Variants in ERCC8 observed in about 807,000 individuals in gnomAD.
The protein encoded by ERCC8 is ERCC excision repair 8, CSA ubiquitin ligase complex subunit.
ERCC8 carries 52 observed loss-of-function variants against 54.9 expected under a neutral mutation model. The ratio of observed to expected loss-of-function variants is 0.95; its 90% CI spans 0.76 to 1.19. The LOEUF (loss-of-function observed/expected upper bound fraction) is 1.19, where lower values mean the gene tolerates loss of function less well. ERCC8 is among the 50% of genes most tolerant of loss of function. The pLI is 0.00. For synonymous variants in ERCC8, 146 were observed against 157.2 expected, an observed-to-expected ratio of 0.93 and a Z score of 0.53; for missense variants, 514 against 466.1, an observed-to-expected ratio of 1.10 and a Z score of -0.95.
chr5:60,883,471 T>C (rs949550793), intron 11 of ERCC8, among the ~76,000 whole-genome samples: 9 of 152,170 alleles, frequency 5.9e-5, no homozygotes, highest in African/African-American at 2.2e-4. Flanking sequence ...CACCAGGTTG[T>C]CAATTCTACT....
chr5:60,881,641 G>A (rs1410593715), intron 11 of ERCC8, among the ~76,000 whole-genome samples: 1 of 152,208 alleles, frequency 6.6e-6, no homozygotes, highest in Admixed American at 6.5e-5. Context: ...GGCTCTGTGG[G>A]CGTCGGACCC....
At chr5:60,883,132 T>A (rs142090036) in intron 11 of ERCC8, among the ~76,000 whole-genome samples, 18 of 152,278 alleles carry the variant, frequency 1.2e-4, no homozygotes, top group African/African-American at 4.3e-4. Context: ...TTATACTTCA[T>A]CATAAATTAT....
rs1212963873 is a variant in ERCC8 at position 60,872,660 on chromosome 5, A to G, written c.*1955T>C. 1.3e-5 allele frequency among the ~76,000 whole-genome samples: 2 copies of G among 152,214 alleles called. No individual in the cohort carries two copies. Among genetic ancestry groups the G allele is most frequent in the African/African-American group, 4.8e-5 (2 of 41,448 alleles). Reference sequence around the variant, plus strand: ...ACAAGTGTTGGCAAGGATGTGAAGAAAAAGGATTTCTTGCATTATTGTGAA... The same window carrying G: ...ACAAGTGTTGGCAAGGATGTGAAGAGAAAGGATTTCTTGCATTATTGTGAA... On this transcript the variant is annotated 3_prime_UTR_variant, in exon 12 of 12. Coordinates refer to ENST00000676185, the MANE Select transcript of ERCC8 (RefSeq NM_000082.4).
chr5:60,904,682 A>G, intron 5 of ERCC8, 110 bp downstream of exon 5: 1 of 227,622 alleles, frequency 4.4e-6, no homozygotes, highest in Non-Finnish European at 8.6e-6. Context: ...ATATATATAT[A>G]TAAAATTGTG....
intron 4 of ERCC8, among the ~76,000 whole-genome samples, chr5:60,911,031 C>T (rs1288182794): frequency 1.3e-5 from 2 of 151,868 alleles, no homozygotes; most frequent in Non-Finnish European, 2.9e-5. Flanking sequence ...TCTTCTATTC[C>T]TAGTATGCAG....
chr5:60,876,392 C>T (rs544148845), intron 11 of ERCC8, among the ~76,000 whole-genome samples: 1 of 152,274 alleles, frequency 6.6e-6, no homozygotes, highest in Admixed American at 6.5e-5. Flanking sequence ...TGGGTATATA[C>T]CCAGTAATGG....
chr5:60,932,355 T>C (rs1295027589), intron 1 of ERCC8, among the ~76,000 whole-genome samples: 1 of 152,192 alleles, frequency 6.6e-6, no homozygotes. Flanking sequence ...TGGATAAGAA[T>C]GGCTCACTGT....
intron 9 of ERCC8, among the ~76,000 whole-genome samples, chr5:60,894,551 T>C (rs1366499189): frequency 6.6e-6 from 1 of 152,094 alleles, no homozygotes; most frequent in Non-Finnish European, 1.5e-5. Flanking sequence ...GGGACAAAAA[T>C]TAAAATTCTT....
At chr5:60,905,331 C>G (rs1415444872) in intron 4 of ERCC8, among the ~76,000 whole-genome samples, 1 of 152,198 alleles carries the variant, frequency 6.6e-6, no homozygotes, top group Non-Finnish European at 1.5e-5. Context: ...CAGCTTTTCC[C>G]CCTCCAAATA....
chr5:60,918,529 A>G, intron 3 of ERCC8, 141 bp from the exon 4 acceptor site: 1 of 699,882 alleles, frequency 1.4e-6, no homozygotes. Context: ...CAAGCTGTGT[A>G]GAAGGCGAGA....
chr5:60,919,880 A>G lies in ERCC8; in HGVS notation c.276-1492T>C, dbSNP rs185983653. ...TTTTTAAAAAACAGTAATTATGGGA[A>G]GAAAGGTGTATACGCATGCTGGACA... On this transcript the variant is annotated intron_variant, in intron 3 of 11. Coordinates refer to ENST00000676185, the MANE Select transcript of ERCC8 (RefSeq NM_000082.4). 1.7e-3 allele frequency among the ~76,000 whole-genome samples: 254 copies of G among 152,110 alleles called. 4 individuals carry two copies. Among genetic ancestry groups the G allele is most frequent in the Non-Finnish European group, 4.6e-4 (31 of 67,918 alleles).
chr5:60,900,008 C>T (rs1359779974), intron 7 of ERCC8, among the ~76,000 whole-genome samples: 1 of 151,876 alleles, frequency 6.6e-6, no homozygotes, highest in Non-Finnish European at 1.5e-5. Flanking sequence ...ACATGAGCAT[C>T]TTTTCTCCCA....
At chr5:60,942,216 A>T (rs1489777431) in intron 1 of ERCC8, among the ~76,000 whole-genome samples, 1 of 152,160 alleles carries the variant, frequency 6.6e-6, no homozygotes, top group Non-Finnish European at 1.5e-5. Flanking sequence ...ACTCTCACCT[A>T]TTAGTGGTGG....
intron 1 of ERCC8, among the ~76,000 whole-genome samples, chr5:60,929,624 G>A (rs1013292313): frequency 6.6e-6 from 1 of 152,040 alleles, no homozygotes; most frequent in African/African-American, 2.4e-5. Context: ...ACATTTATGT[G>A]TATTTAAATA....
At chr5:60,924,243 T>C (rs1749686450) in intron 2 of ERCC8, 1 of 152,584 alleles carries the variant, frequency 6.6e-6, no homozygotes, top group Admixed American at 6.5e-5. Flanking sequence ...GATCCATCAA[T>C]TTATACATTT....
intron 9 of ERCC8, chr5:60,892,818 G>A (rs1748604516): frequency 1.5e-6 from 1 of 681,666 alleles, no homozygotes; most frequent in African/African-American, 1.8e-5. Context: ...CGTGACCCCA[G>A]GAATGGCTCC....
chr5:60,939,487 A>T (rs182352), intron 1 of ERCC8, among the ~76,000 whole-genome samples: 100,242 of 150,842 alleles, frequency 0.66, 33,475 homozygotes, highest in East Asian at 0.94. Context: ...TCTTTTTTTT[A>T]ATTTTTAGAT....
intron 11 of ERCC8, among the ~76,000 whole-genome samples, chr5:60,878,798 G>T (rs1013748329): frequency 2.7e-4 from 41 of 152,008 alleles, no homozygotes; most frequent in African/African-American, 9.9e-4. Flanking sequence ...TATCAATTTT[G>T]TTGATCTTTT....
At chr5:60,944,663 C>A (rs1750371099) in intron 1 of ERCC8, among the ~76,000 whole-genome samples, 1 of 151,708 alleles carries the variant, frequency 6.6e-6, no homozygotes, top group Non-Finnish European at 1.5e-5. Flanking sequence ...ACGAAGTATT[C>A]TTATTTAGGT....
Sources: allele counts gnomAD v4.1 joint callset (sites outside exome capture counted in the v4.1 genomes callset), GRCh38; gene constraint gnomAD v4.1.1; transcripts MANE v1.5; gene names NCBI Gene and HGNC (gene_info 2026-07-23, HGNC 2026-07-21).